SALL3: variants seen among roughly 807,000 people sequenced by gnomAD.
SALL3 encodes spalt like transcription factor 3.
In SALL3, 25 loss-of-function variants were observed where a neutral mutation model predicts 66.2. That is an observed-to-expected ratio of 0.38 (90% CI 0.28 to 0.53). SALL3 has a LOEUF of 0.53. SALL3 is among the 20% of genes least tolerant of loss of function. The pLI is 0.85. For missense variants in SALL3, 2,194 were observed against 1,916.5 expected (o/e 1.14, Z -2.70); for synonymous variants, 1,152 against 899.1 (o/e 1.28, Z -5.03).
In SALL3 at chr18:78,997,280, C is replaced by T. The variant is rs1914730543; in HGVS notation, c.3861C>T (p.Phe1287=). 1.9e-6 allele frequency: 3 copies of T among 1,614,046 alleles called. No individual in the cohort carries two copies. Among genetic ancestry groups the T allele is most frequent in the Non-Finnish European group, 2.5e-6 (3 of 1,180,040 alleles). ...CAGAAACAGCAGCCAGCCGCCCATT[C>T]ACGCGGTTTATCGAGGATAACAAGG... ...ASSETAASRP[F]TRFIEDNKEI... Residue 1287 remains phenylalanine, a synonymous_variant, in exon 3 of 3, where the codon TTC becomes TTT. Transcript: ENST00000537592.
At chr18:78,992,033 G>A in intron 1 of SALL3, 41 bp from the exon 2 acceptor site, 3 of 1,377,200 alleles carry the variant, frequency 2.2e-6, no homozygotes, top group Non-Finnish European at 2.8e-6. Flanking sequence ...GACGGAGGGC[G>A]GGCGCCGAGC....
chr18:78,994,177 A>G lies in SALL3; in HGVS notation c.2186A>G (p.His729Arg). 1 of 1,613,256 alleles carries G rather than the reference A, an allele frequency of 6.2e-7. No homozygotes were observed. Among genetic ancestry groups the G allele is most frequent in the Non-Finnish European group, 8.5e-7 (1 of 1,179,988 alleles). ...AACCTCAAGACGCACTTCGGCGTGC[A>G]CCGTGCAAAGCCGCCCCTGCGCGTG... ...KGNLKTHFGV[H>R]RAKPPLRVQH... is the part of the protein sequence containing the mutation. The change falls in exon 2 of 3, where the codon CAC becomes CGC. Residue 729 changes from histidine to arginine, a missense_variant. Physicochemically the swap from His to Arg is conservative, Grantham distance 29. Transcript: ENST00000537592.
Position 78,994,308 on chromosome 18 carries a change from G to A in SALL3, c.2317G>A (p.Glu773Lys). ...CCAGATCCCCAACACGCCGCTGCCG[G>A]AGGGCTTCCAGGATGCCATGGACTC... ...GGQIPNTPLP[E>K]GFQDAMDSEL... The change falls in exon 2 of 3, where the codon GAG becomes AAG. Residue 773 changes from glutamate (E) to lysine (K), a missense_variant. By Grantham distance (56) the Glu-to-Lys change is moderately conservative. Coordinates refer to ENST00000537592, the MANE Select transcript of SALL3 (RefSeq NM_171999.4). 1.9e-6 allele frequency: 3 copies of A among 1,613,708 alleles called. No homozygotes were observed. Among genetic ancestry groups the A allele is most frequent in the Non-Finnish European group, 2.5e-6 (3 of 1,180,024 alleles).
chr18:78,994,894 G>A lies in SALL3; in HGVS notation c.2903G>A (p.Ser968Asn), dbSNP rs1324620338. The A allele has an allele frequency of 5.0e-6, 8 of 1,612,166 alleles. No individual in the cohort carries two copies. Among genetic ancestry groups the A allele is most frequent in the Non-Finnish European group, 6.8e-6 (8 of 1,179,450 alleles). The change falls in exon 2 of 3, where the codon AGC (serine) becomes AAC (asparagine). Residue 968 changes from serine to asparagine, a missense_variant. By Grantham distance (46) the Ser-to-Asn change is conservative. Transcript: ENST00000537592. ...EEAPFSLLFL[S>N]RERGKCPSTV... Reference sequence around the variant, plus strand: ...GCGCCCTTCAGCCTGCTGTTCCTGAGCAGGGAGCGGGGTAAGTGTCCCAGC... The same window carrying A: ...GCGCCCTTCAGCCTGCTGTTCCTGAACAGGGAGCGGGGTAAGTGTCCCAGC...
chr18:78,997,296 G>T lies in SALL3; in HGVS notation c.3877G>T (p.Asp1293Tyr). The change falls in exon 3 of 3, where the codon GAT (aspartate) becomes TAT (tyrosine). Residue 1293 changes from aspartate (D) to tyrosine (Y), a missense_variant. Coordinates refer to ENST00000537592, the MANE Select transcript of SALL3 (RefSeq NM_171999.4). ...CCGCCCATTCACGCGGTTTATCGAG[G>T]ATAACAAGGAGATTGGTATCAACTA... ...ASRPFTRFIE[D>Y]NKEIGIN 1 of 1,613,874 alleles carries T rather than the reference G, an allele frequency of 6.2e-7. No homozygotes were observed.
rs546898636 is a variant in SALL3, at chr18:78,986,548, A to G, written c.83-5526A>G. On this transcript the variant is annotated intron_variant, in intron 1 of 2. Transcript: ENST00000537592. ...TTTCTTTATGGGATTCAAAGCTATC[A>G]TAAGGAGTTAAAAAGAATTAATTTG... Among the ~76,000 whole-genome samples, 9 of 152,364 alleles carry G rather than the reference A, an allele frequency of 5.9e-5. No homozygotes were observed. In the East Asian group the frequency reaches 9.6e-4, roughly 16 times the overall value.
chr18:78,993,604 A>G lies in SALL3; in HGVS notation c.1613A>G (p.His538Arg). The change falls in exon 2 of 3, where the codon CAC becomes CGC. Residue 538 changes from histidine to arginine, a missense_variant. By Grantham distance (29) the His-to-Arg change is conservative. Transcript: ENST00000537592. ...LQLPPTVPGAHGYADSPSATP... is the reference protein window; with the variant it reads ...LQLPPTVPGARGYADSPSATP... The stretch of plus-strand genomic sequence containing the variant: ...CTGCCGCCCACTGTCCCTGGCGCGC[A>G]CGGCTACGCCGACTCTCCCAGCGCC... The G allele has an allele frequency of 6.3e-7, 1 of 1,585,576 alleles. No individual in the cohort carries two copies. The highest frequency in any genetic ancestry group is 8.5e-7 in the Non-Finnish European group (1 of 1,173,162).
intron 1 of SALL3, among the ~76,000 whole-genome samples, chr18:78,984,534 C>T (rs1246824367): frequency 2.0e-5 from 3 of 151,850 alleles, no homozygotes; most frequent in Non-Finnish European, 4.4e-5. Context: ...TTTGTAATTA[C>T]AGCATACCTT....
Position 78,993,058 on chromosome 18 carries a change from C to T in SALL3, c.1067C>T (p.Pro356Leu). 1.3e-6 allele frequency: 2 copies of T among 1,589,058 alleles called. No individual in the cohort carries two copies. The highest frequency in any genetic ancestry group is 8.5e-7 in the Non-Finnish European group (1 of 1,173,688). Residue 356 changes from proline (P) to leucine (L), a missense_variant, in exon 2 of 3, where the codon CCC becomes CTC. Physicochemically the swap from Pro to Leu is moderately conservative, Grantham distance 98. Transcript: ENST00000537592. Reference sequence around the variant, plus strand: ...CCGGGGTCCCTGCTGGGTGCGGCGCCCGGCCTGCCAAGTCCGCTTCTACCT... The same window carrying T: ...CCGGGGTCCCTGCTGGGTGCGGCGCTCGGCCTGCCAAGTCCGCTTCTACCT... ...LAPGSLLGAA[P>L]GLPSPLLPQT...
chr18:78,995,654 C>T lies in SALL3; in HGVS notation c.3471+192C>T, dbSNP rs546606436. Among the ~76,000 whole-genome samples, 5 of 151,884 alleles carry T rather than the reference C, an allele frequency of 3.3e-5. No homozygotes were observed. The East Asian group carries it at 7.8e-4, about 24-fold the overall frequency. On this transcript the variant is annotated intron_variant, in intron 2 of 2. Coordinates refer to ENST00000537592, the MANE Select transcript of SALL3 (RefSeq NM_171999.4). Reference sequence around the variant, plus strand: ...GTGTGATATGTGTGTGTCGGGTGTGCGTGTGGGTGAGTAGCGTGTACCTAT... The same window carrying T: ...GTGTGATATGTGTGTGTCGGGTGTGTGTGTGGGTGAGTAGCGTGTACCTAT...
In SALL3 at chr18:78,995,221, G is replaced by A. The variant is rs1483515377; in HGVS notation, c.3230G>A (p.Gly1077Asp). 16 of 1,606,680 alleles carry A rather than the reference G, an allele frequency of 1.0e-5. No homozygotes were observed. The highest frequency in any genetic ancestry group is 4.5e-5 in the East Asian group (2 of 44,820). Residue 1077 changes from glycine to aspartate, a missense_variant, in exon 2 of 3, where the codon GGT becomes GAT. By Grantham distance (94) the Gly-to-Asp change is moderately conservative (BLOSUM62 -1). Transcript: ENST00000537592. ...GGCAAGGCCATGGCGCTGGGCGAGG[G>A]TCCCCCGCTGCCCGCGGGCGTCCAG... ...GHGKAMALGEGPPLPAGVQVP... is the reference protein window; with the variant it reads ...GHGKAMALGEDPPLPAGVQVP...
At position 78,980,359 on chromosome 18, in the gene SALL3, G is replaced by C; in HGVS notation, c.82+3G>C. ...GCCTGACGGGGCTCCCGAGCACGGT[G>C]AGGGCCGGGGCTGCGGGGTGGCCGG... On this transcript the variant is annotated splice_donor_region_variant and intron_variant, in intron 1 of 2. Transcript: ENST00000537592. 7.0e-7 allele frequency: 1 copy of C among 1,432,724 alleles called. No homozygotes were observed. The highest frequency in any genetic ancestry group is 9.2e-7 in the Non-Finnish European group (1 of 1,086,798). The allele number at this position is 1,432,724 out of a possible 1,614,324, so 88.8% of individuals were successfully genotyped here.
chr18:78,993,266 C>T lies in SALL3; in HGVS notation c.1275C>T (p.Cys425=), dbSNP rs910018741. 3 of 1,610,514 alleles carry T rather than the reference C, an allele frequency of 1.9e-6. No homozygotes were observed. Among genetic ancestry groups the T allele is most frequent in the South Asian group, 2.2e-5 (2 of 90,948 alleles). Residue 425 remains cysteine, a synonymous_variant, in exon 2 of 3, where the codon TGC becomes TGT. Transcript: ENST00000537592. ...DPFFKHKCRF[C]AKVFGSDSAL... is the part of the protein sequence containing the mutation. ...TCTTCAAGCACAAATGCCGCTTCTG[C>T]GCCAAGGTCTTCGGCAGCGACAGCG...
In SALL3 at chr18:78,995,378, G is replaced by A. The variant is rs1327326128; in HGVS notation, c.3387G>A (p.Gln1129=). Residue 1129 remains glutamine, a synonymous_variant, in exon 2 of 3, where the codon CAG becomes CAA. Transcript: ENST00000537592. Reference sequence around the variant, plus strand: ...CCTTCTCCTCGGCCAGCGCCCTGCAGATCCATGAGCGCACGCACACCGGCG... The same window carrying A: ...CCTTCTCCTCGGCCAGCGCCCTGCAAATCCATGAGCGCACGCACACCGGCG... ...GKTFSSASAL[Q]IHERTHTGEK... 6.3e-7 allele frequency: 1 copy of A among 1,584,904 alleles called. No individual in the cohort carries two copies. The highest frequency in any genetic ancestry group is 1.1e-5 in the South Asian group (1 of 88,720).
At position 78,992,597 on chromosome 18, in the gene SALL3, GC is replaced by G; in HGVS notation, c.610del (p.Leu204Ter). ...GTGGAGGCGTGGCAGCTGCAGCCGTGCCCCTGATCCTGGAACAGCTCATGGC... is the reference window on the plus strand; with the variant it reads ...GTGGAGGCGTGGCAGCTGCAGCCGTGCCCTGATCCTGGAACAGCTCATGGC... ...AGGGVAAAAV[P>X]LILEQLMALQ... is the part of the protein sequence containing the mutation. On this transcript the variant is annotated frameshift_variant, in exon 2 of 3. Transcript: ENST00000537592. LOFTEE classifies it high-confidence loss of function. 6.5e-7 allele frequency: 1 copy of G among 1,533,288 alleles called. No homozygotes were observed. The highest frequency in any genetic ancestry group is 8.7e-7 in the Non-Finnish European group (1 of 1,148,342). The allele number at this position is 1,533,288 out of a possible 1,614,324, so 95.0% of individuals were successfully genotyped here. A position where few individuals can be genotyped will look rare whatever the true frequency, so the allele number is the denominator to read the frequency against.
At chr18:78,995,530 T>A (rs1348817264) in intron 2 of SALL3, 68 bp downstream of exon 2, 1 of 1,486,910 alleles carries the variant, frequency 6.7e-7, no homozygotes, top group Non-Finnish European at 8.9e-7. Context: ...CTCCATCACC[T>A]GCCGCAGACA....
chr18:78,992,954 T>TGCCCCCGCC lies in SALL3; in HGVS notation c.964_972dup (p.Ala322_Ala324dup). ...CCCCCAGCGCCGCCCCTGCCCCCGCTGCCCCCGCCCCGGCGCCAGCGCCGC... is the reference window on the plus strand; with the variant it reads ...CCCCCAGCGCCGCCCCTGCCCCCGCTGCCCCCGCCGCCCCCGCCCCGGCGCCAGCGCCGC... On this transcript the variant is annotated inframe_insertion, in exon 2 of 3. Transcript: ENST00000537592. 6.1e-6 allele frequency: 7 copies of TGCCCCCGCC among 1,145,524 alleles called. No individual in the cohort carries two copies. Among genetic ancestry groups the TGCCCCCGCC allele is most frequent in the African/African-American group, 4.9e-5 (3 of 60,634 alleles). 71.0% of individuals were successfully genotyped at this position (1,145,524 alleles called of 1,614,324 possible).
chr18:78,998,370 C>T lies in SALL3; in HGVS notation c.*1048C>T, dbSNP rs1292634666. 6.6e-6 allele frequency: 1 copy of T among 152,120 alleles called. No individual in the cohort carries two copies. Among genetic ancestry groups the T allele is most frequent in the Non-Finnish European group, 1.5e-5 (1 of 67,996 alleles). The allele number at this position is 152,120 out of a possible 1,614,324, so 9.4% of individuals were successfully genotyped here. A position where few individuals can be genotyped will look rare whatever the true frequency, so the allele number is the denominator to read the frequency against. The stretch of plus-strand genomic sequence containing the variant: ...AAACTGTTACAGTTCCTTGTTTTGT[C>T]TTATGGTCAAACAATATTAGAAATC... On this transcript the variant is annotated 3_prime_UTR_variant, in exon 3 of 3. Transcript: ENST00000537592.
At position 78,992,427 on chromosome 18, in the gene SALL3, C is replaced by T; in HGVS notation, c.436C>T (p.Arg146Trp). The T allele has an allele frequency of 7.4e-7, 1 of 1,345,906 alleles. No individual in the cohort carries two copies. The allele number at this position is 1,345,906 out of a possible 1,614,324, so 83.4% of individuals were successfully genotyped here. A position where few individuals can be genotyped will look rare whatever the true frequency, so the allele number is the denominator to read the frequency against. The change falls in exon 2 of 3, where the codon CGG becomes TGG. Residue 146 changes from arginine to tryptophan, a missense_variant. Coordinates refer to ENST00000537592, the MANE Select transcript of SALL3 (RefSeq NM_171999.4). ...AEPAGDTRAP[R>W]PPPAAPAPPT... ...ACCCGCGGGGGACACGCGCGCGCCC[C>T]GGCCCCCGCCTGCGGCCCCTGCACC...
Sources: allele counts gnomAD v4.1 joint callset (sites outside exome capture counted in the v4.1 genomes callset), GRCh38; gene constraint gnomAD v4.1.1; transcripts MANE v1.5; gene names NCBI Gene and HGNC (gene_info 2026-07-23, HGNC 2026-07-21).